Variants in AQR observed in about 807,000 individuals in gnomAD.
AQR encodes aquarius intron-binding spliceosomal factor, also known as RNA helicase aquarius.
A neutral mutation model predicts 180.5 loss-of-function variants in AQR; 61 were observed. That is an observed-to-expected ratio of 0.34 (90% CI 0.28 to 0.42). AQR has a LOEUF of 0.42. Among genes scored for constraint, AQR ranks in the 10% least tolerant of loss-of-function variants. The probability of loss-of-function intolerance (pLI) is 1.00; values close to 1 mark genes in which losing one functional copy is unlikely to be tolerated. For synonymous variants in AQR, 551 were observed against 588.8 expected (o/e 0.94, Z 0.93); for missense variants, 1,281 against 1,798.3 (o/e 0.71, Z 5.20).
intron 16 of AQR, among the ~76,000 whole-genome samples, chr15:34,912,588 A>G (rs1893517204): frequency 6.6e-6 from 1 of 152,090 alleles, no homozygotes; most frequent in Admixed American, 6.5e-5. Flanking sequence ...ATCTATGTAA[A>G]AACCTCCTTT....
In AQR at chr15:34,854,450, C is replaced by G. The variant is rs901651969; in HGVS notation, c.*2342G>C. 3 of 152,216 alleles carry G rather than the reference C, an allele frequency of 2.0e-5. No individual in the cohort carries two copies. Among genetic ancestry groups the G allele is most frequent in the African/African-American group, 7.2e-5 (3 of 41,462 alleles). 9.4% of individuals were successfully genotyped at this position (152,216 alleles called of 1,614,324 possible). A position where few individuals can be genotyped will look rare whatever the true frequency, so the allele number is the denominator to read the frequency against. On this transcript the variant is annotated 3_prime_UTR_variant, in exon 35 of 35. Coordinates refer to ENST00000156471, the MANE Select transcript of AQR (RefSeq NM_014691.3). The stretch of plus-strand genomic sequence containing the variant: ...AAATAAACAAAGCAGTGCCGTAGAA[C>G]TGTAGACTTGGATTCTACCCCCACT...
chr15:34,952,528 G>A lies in AQR; in HGVS notation c.209+357C>T, dbSNP rs897526475. On this transcript the variant is annotated intron_variant, in intron 4 of 34. Coordinates refer to ENST00000156471, the MANE Select transcript of AQR (RefSeq NM_014691.3). ...TATTTATATTACTAGTAGCTAGACT[G>A]GAACAATGTTACCTTGATGATAACA... is the stretch of plus-strand genomic sequence containing the variant. 4.6e-5 allele frequency among the ~76,000 whole-genome samples: 7 copies of A among 152,146 alleles called. 1 individual carries two copies. Among genetic ancestry groups the A allele is most frequent in the Admixed American group, 4.6e-4 (7 of 15,266 alleles).
chr15:34,903,633 G>A (rs1179049536), intron 19 of AQR, among the ~76,000 whole-genome samples: 1 of 151,996 alleles, frequency 6.6e-6, no homozygotes, highest in African/African-American at 2.4e-5. Context: ...ACAACAACAG[G>A]GTTACATAAA....
At chr15:34,960,727 C>G in intron 3 of AQR, 47 bp downstream of exon 3, 1 of 792,506 alleles carries the variant, frequency 1.3e-6, no homozygotes. Flanking sequence ...CAAGATCCAA[C>G]TTGGTCCACC....
intron 27 of AQR, among the ~76,000 whole-genome samples, chr15:34,880,281 G>A (rs1892951703): frequency 6.6e-6 from 1 of 152,262 alleles, no homozygotes; most frequent in Non-Finnish European, 1.5e-5. Context: ...CCTTTCACAT[G>A]AAAGATACGG....
Position 34,862,873 on chromosome 15 carries a change from A to T in AQR, c.4023T>A (p.Thr1341=), listed in dbSNP as rs369397741. ...ATGAAGAAAGAAGTCCTACCTTTCT[A>T]GTAGTTGGGAAAGGTTCTGTTGGAA... is the stretch of plus-strand genomic sequence containing the variant. ...HIIPTEPFPT[T]RKNGERPSHE... is the part of the protein sequence containing the mutation. Residue 1341 remains threonine (T), a synonymous_variant, in exon 33 of 35, where the codon ACT becomes ACA. Transcript: ENST00000156471. 8 of 1,613,420 alleles carry T rather than the reference A, an allele frequency of 5.0e-6. No individual in the cohort carries two copies. In the Middle Eastern group the frequency reaches 5.0e-4, roughly 100 times the overall value.
At chr15:34,888,344 A>C (rs1893093190) in intron 24 of AQR, among the ~76,000 whole-genome samples, 1 of 151,878 alleles carries the variant, frequency 6.6e-6, no homozygotes, top group African/African-American at 2.4e-5. Context: ...AGTACAATTA[A>C]ACTCTACTAT....
chr15:34,964,462 C>T (rs2050299118), intron 1 of AQR, 172 bp from the exon 2 acceptor site: 2 of 698,222 alleles, frequency 2.9e-6, no homozygotes, highest in Non-Finnish European at 5.3e-6. Context: ...TCCTTGACCC[C>T]AAACCACTAA....
At position 34,893,699 on chromosome 15, in the gene AQR, T is replaced by C. The variant is rs768505083; in HGVS notation, c.2535A>G (p.Pro845=). 6.8e-6 allele frequency: 11 copies of C among 1,613,648 alleles called. No homozygotes were observed. Among genetic ancestry groups the C allele is most frequent in the Non-Finnish European group, 8.5e-7 (1 of 1,179,938 alleles). ...QIISNIYHNF[P]EQRTLIVTHS... is the part of the protein sequence containing the mutation. ...GAGTAACAATTAGAGTCCTCTGTTC[T>C]GGGAAGTTGTGGTAGATGTTGGATA... Residue 845 remains proline (P), a synonymous_variant, in exon 23 of 35, where the codon CCA becomes CCG. Transcript: ENST00000156471.
At chr15:34,960,321 A>C (rs1029990350) in intron 3 of AQR, among the ~76,000 whole-genome samples, 1 of 152,226 alleles carries the variant, frequency 6.6e-6, no homozygotes, top group African/African-American at 2.4e-5. Context: ...GGGGCAGAAA[A>C]GATGATTTAT....
At chr15:34,911,991 T>TC (rs1169253102) in intron 16 of AQR, among the ~76,000 whole-genome samples, 2 of 152,194 alleles carry the variant, frequency 1.3e-5, no homozygotes, top group African/African-American at 4.8e-5. Context: ...GGATCCTATT[T>TC]CATTTTTTTA....
At chr15:34,931,453 A>G (rs1893857889) in intron 11 of AQR, among the ~76,000 whole-genome samples, 1 of 152,228 alleles carries the variant, frequency 6.6e-6, no homozygotes. Context: ...ATGTAAACAC[A>G]TACCAAAATT....
At chr15:34,928,779 G>C (rs1181338862) in intron 12 of AQR, among the ~76,000 whole-genome samples, 3 of 152,138 alleles carry the variant, frequency 2.0e-5, no homozygotes, top group African/African-American at 7.2e-5. Context: ...CTTCCACAAT[G>C]GTTGAACTAA....
chr15:34,925,721 T>C (rs981530140), intron 13 of AQR, among the ~76,000 whole-genome samples: 2 of 149,704 alleles, frequency 1.3e-5, no homozygotes, highest in East Asian at 1.9e-4. Flanking sequence ...TAGTCCCAGC[T>C]ATTCGGGAGG....
intron 17 of AQR, among the ~76,000 whole-genome samples, chr15:34,907,298 A>AGACGG (rs1893432974): frequency 6.6e-6 from 1 of 152,264 alleles, no homozygotes; most frequent in African/African-American, 2.4e-5. Flanking sequence ...AAGAAAAAGG[A>AGACGG]GACTTGTGCC....
intron 31 of AQR, chr15:34,868,932 A>G (rs544087610): frequency 1.3e-5 from 2 of 152,300 alleles, no homozygotes; most frequent in South Asian, 4.1e-4. Flanking sequence ...GTTTGAAGCT[A>G]TCTTGCATAA....
intron 24 of AQR, among the ~76,000 whole-genome samples, chr15:34,888,592 G>A (rs1055146464): frequency 1.3e-5 from 2 of 151,930 alleles, no homozygotes; most frequent in African/African-American, 4.8e-5. Context: ...AGCTACTCAC[G>A]AGACTGAGGC....
intron 14 of AQR, 56 bp downstream of exon 14, chr15:34,920,276 T>C (rs1893663892): frequency 7.8e-7 from 1 of 1,275,144 alleles, no homozygotes; most frequent in Non-Finnish European, 1.1e-6. Context: ...TCTTTAAGAA[T>C]GACTTTAAAA....
intron 13 of AQR, among the ~76,000 whole-genome samples, chr15:34,920,837 A>G (rs549862174): frequency 1.1e-3 from 175 of 152,266 alleles, no homozygotes; most frequent in Admixed American, 1.8e-3. Context: ...GGGCGCCTGT[A>G]GTCCCAGCTA....
Sources: allele counts gnomAD v4.1 joint callset (sites outside exome capture counted in the v4.1 genomes callset), GRCh38; gene constraint gnomAD v4.1.1; transcripts MANE v1.5; gene names NCBI Gene and HGNC (gene_info 2026-07-23, HGNC 2026-07-21).